The following LAMA5 variants were observed in gnomAD, a reference collection of about 807,000 sequenced individuals.
The protein encoded by LAMA5 is laminin subunit alpha-5.
In LAMA5, 260 loss-of-function variants were observed where a neutral mutation model predicts 433.4. That is an observed-to-expected ratio of 0.60 (90% CI 0.54 to 0.66). The LOEUF is 0.66. Ranked by LOEUF, LAMA5 falls within the 30% of genes least tolerant of loss-of-function variation. The probability of loss-of-function intolerance (pLI) is 0.00; values close to 1 mark genes in which losing one functional copy is unlikely to be tolerated. For missense variants in LAMA5, 5,378 were observed against 5,258.5 expected, an observed-to-expected ratio of 1.02 and a Z score of -0.70; for synonymous variants, 2,620 against 2,226.6, an observed-to-expected ratio of 1.18 and a Z score of -4.97.
At chr20:62,366,249 T>C (rs1215187774) in intron 1 of LAMA5, among the ~76,000 whole-genome samples, 3 of 152,182 alleles carry the variant, frequency 2.0e-5, no homozygotes, top group Admixed American at 6.5e-5. Context: ...TGTCCATGCA[T>C]GGAGTCCACC....
rs573023906 is a variant in LAMA5 at position 62,315,424 on chromosome 20, C to T, written c.7868-217G>A. On this transcript the variant is annotated intron_variant, in intron 58 of 79. Transcript: ENST00000252999. The stretch of plus-strand genomic sequence containing the variant: ...AGGACAGGCACCCAGCCTCTCAGGC[C>T]ACAGCTGGTCCCTGGACATGTGCCC... Among the ~76,000 whole-genome samples, 9 of 152,222 alleles carry T rather than the reference C, an allele frequency of 5.9e-5. No individual in the cohort carries two copies. In the South Asian group the frequency reaches 1.2e-3, roughly 21 times the overall value.
rs1985787856 is a variant in LAMA5, at chr20:62,309,224, A to G, written c.*112T>C. ...TATAACTTAAACCATCTTCAGAAAC[A>G]AGATCTGTCACCCGTAGAGCTTAGA... is the stretch of plus-strand genomic sequence containing the variant. On this transcript the variant is annotated 3_prime_UTR_variant, in exon 80 of 80. Transcript: ENST00000252999. 2 of 1,058,652 alleles carry G rather than the reference A, an allele frequency of 1.9e-6. No individual in the cohort carries two copies. The highest frequency in any genetic ancestry group is 3.4e-5 in the South Asian group (2 of 58,648). 65.6% of individuals were successfully genotyped at this position (1,058,652 alleles called of 1,614,324 possible).
intron 11 of LAMA5, chr20:62,345,505 C>A: frequency 2.1e-6 from 1 of 478,902 alleles, no homozygotes; most frequent in Non-Finnish European, 3.9e-6. Flanking sequence ...CTTCCAGGCT[C>A]AAGCAATCCT....
Position 62,366,941 on chromosome 20 carries a change from G to A in LAMA5, c.297+8C>T. On this transcript the variant is annotated splice_region_variant and intron_variant, in intron 1 of 79. Coordinates refer to ENST00000252999, the MANE Select transcript of LAMA5 (RefSeq NM_005560.6). ...GGAGGAAGCCCCACGGCCCGCCCCT[G>A]CGCTCACCCGGATGGTCTGGTTGGG... The A allele has an allele frequency of 1.6e-6, 2 of 1,263,580 alleles. No homozygotes were observed. The highest frequency in any genetic ancestry group is 3.5e-5 in the Admixed American group (1 of 28,210). 78.3% of individuals were successfully genotyped at this position (1,263,580 alleles called of 1,614,324 possible).
rs548925686 is a variant in LAMA5 at position 62,357,267 on chromosome 20, A to G, written c.451-4016T>C. ...CCTGGATCACAGCGGTCTGTGACTC[A>G]GCCCCCGCCCTGCAGGAAGAAGGGC... On this transcript the variant is annotated intron_variant, in intron 2 of 79. Coordinates refer to ENST00000252999, the MANE Select transcript of LAMA5 (RefSeq NM_005560.6). 4.5e-3 allele frequency among the ~76,000 whole-genome samples: 684 copies of G among 152,308 alleles called. 4 individuals are homozygous for G. Among genetic ancestry groups the G allele is most frequent in the Admixed American group, 7.3e-3 (111 of 15,310 alleles).
rs1374173776 is a variant in LAMA5 at position 62,319,021 on chromosome 20, G to A, written c.6872-8C>T. 1.3e-6 allele frequency: 2 copies of A among 1,558,246 alleles called. No homozygotes were observed. The highest frequency in any genetic ancestry group is 4.6e-5 in the East Asian group (2 of 43,466). ...CCGTCTGGGACATGAGCTCTGTGGG[G>A]CAGGGGTTCGTCAGAGCCTGGGGCC... On this transcript the variant is annotated splice_region_variant and splice_polypyrimidine_tract_variant and intron_variant, in intron 51 of 79. Transcript: ENST00000252999.
intron 57 of LAMA5, chr20:62,316,327 G>T (rs550669161): frequency 1.8e-6 from 1 of 561,390 alleles, no homozygotes; most frequent in Non-Finnish European, 3.2e-6. Flanking sequence ...ACAGCCCTCT[G>T]GTCCTAGCAG....
rs759904314 is a variant in LAMA5 at position 62,332,603 on chromosome 20, G to A, written c.3397C>T (p.Arg1133Trp). ...EVGVAVHTPQ[R>W]APQQGLLSLH... is the part of the protein sequence containing the mutation. ...GAGAGCAGCCCCTGCTGGGGGGCCC[G>A]CTGTGGGGTGTGCACGGCCACGCCC... The change falls in exon 27 of 80, where the codon CGG becomes TGG. Residue 1133 changes from arginine to tryptophan, a missense_variant. Physicochemically the swap from Arg to Trp is moderately radical, Grantham distance 101. Transcript: ENST00000252999. The A allele has an allele frequency of 1.3e-5, 20 of 1,599,346 alleles. No individual in the cohort carries two copies. Among genetic ancestry groups the A allele is most frequent in the South Asian group, 4.4e-5 (4 of 90,128 alleles).
chr20:62,313,491 G>A, intron 63 of LAMA5, 31 bp from the exon 64 acceptor site: 1 of 1,572,924 alleles, frequency 6.4e-7, no homozygotes, highest in Non-Finnish European at 8.6e-7. Context: ...CAGGGCACCT[G>A]GCCTGAGGCG....
In LAMA5 at chr20:62,324,402, G is replaced by A. The variant is rs1978884155; in HGVS notation, c.5643+39C>T. 5.2e-6 allele frequency: 8 copies of A among 1,531,054 alleles called. No individual in the cohort carries two copies. The highest frequency in any genetic ancestry group is 7.2e-6 in the Non-Finnish European group (8 of 1,113,414). 94.8% of individuals were successfully genotyped at this position (1,531,054 alleles called of 1,614,324 possible). ...CCTGGCACACTTGACTGTGCCTTCA[G>A]TGAATGCTGCCCCCCTGGCCCCACC... is the stretch of plus-strand genomic sequence containing the variant. On this transcript the variant is annotated intron_variant, in intron 42 of 79. Coordinates refer to ENST00000252999, the MANE Select transcript of LAMA5 (RefSeq NM_005560.6). The surrounding 1 kb of genome is among the most constrained non-coding windows in gnomAD (Gnocchi z 4.4).
In LAMA5 at chr20:62,312,962, A is replaced by G. The variant is rs148336880; in HGVS notation, c.9004T>C (p.Tyr3002His). 4.8e-4 allele frequency: 764 copies of G among 1,583,568 alleles called. 1 individual carries two copies. The highest frequency in any genetic ancestry group is 2.9e-3 in the South Asian group (254 of 86,378). ...AVQEGSLVLL[Y>H]DFGAGLKKAV... Reference sequence around the variant, plus strand: ...TTTTTCAGGCCAGCCCCAAAGTCATACAACAGCACGAGGCTGCCTTCTTGC... The same window carrying G: ...TTTTTCAGGCCAGCCCCAAAGTCATGCAACAGCACGAGGCTGCCTTCTTGC... The change falls in exon 66 of 80, where the codon TAT becomes CAT. Residue 3002 changes from tyrosine (Y) to histidine (H), a missense_variant. Transcript: ENST00000252999.
At chr20:62,310,632 G>T in intron 75 of LAMA5, 33 bp downstream of exon 75, 1 of 1,593,266 alleles carries the variant, frequency 6.3e-7, no homozygotes. Flanking sequence ...AACAGTGGGT[G>T]GGGAGTGGGG....
intron 45 of LAMA5, among the ~76,000 whole-genome samples, chr20:62,323,238 C>T (rs912144460): frequency 1.7e-5 from 2 of 117,926 alleles, no homozygotes; most frequent in Middle Eastern, 4.3e-3. Flanking sequence ...GGTGAAGGGG[C>T]CTGATCGCTG....
At chr20:62,349,334 C>T (rs1983845804) in intron 6 of LAMA5, among the ~76,000 whole-genome samples, 1 of 143,146 alleles carries the variant, frequency 7.0e-6, no homozygotes, top group Non-Finnish European at 1.5e-5. Flanking sequence ...ATCCTCAACA[C>T]ATCACAATAA....
At chr20:62,340,020 G>A (rs1027001269) in intron 11 of LAMA5, among the ~76,000 whole-genome samples, 3 of 152,138 alleles carry the variant, frequency 2.0e-5, no homozygotes, top group South Asian at 2.1e-4. Flanking sequence ...TGGGGTGGAC[G>A]CAAACACAGA....
chr20:62,313,134 A>G lies in LAMA5; in HGVS notation c.8909T>C (p.Leu2970Pro), dbSNP rs1348385664. The G allele has an allele frequency of 1.9e-6, 3 of 1,608,682 alleles. No homozygotes were observed. The highest frequency in any genetic ancestry group is 2.5e-6 in the Non-Finnish European group (3 of 1,179,630). Residue 2970 changes from leucine to proline, a missense_variant, in exon 65 of 80, where the codon CTG (leucine) becomes CCG (proline). By Grantham distance (98) the Leu-to-Pro change is moderately conservative. Transcript: ENST00000252999. ...CACCCCGCTGTAGGACACGAGCCGC[A>G]GCTCCTGCTCGAAGCGCTTGGTGGT... ...ISTTKRFEQE[L>P]RLVSYSGVLF...
In LAMA5 at chr20:62,313,950, GAGAGACGGGTGGCGAGTGGGCAC is replaced by G. The variant is rs376424259; in HGVS notation, c.8505-171_8505-149del. The G allele has an allele frequency of 1.4e-3, 881 of 620,714 alleles. 57 individuals are homozygous for G. The highest frequency in any genetic ancestry group is 1.5e-3 in the Non-Finnish European group (611 of 406,298). 38.5% of individuals were successfully genotyped at this position (620,714 alleles called of 1,614,324 possible). ...AGACGAGGGGTGGCGAGTGGGCATG[GAGAGACGGGTGGCGAGTGGGCAC>G]AGAGACGGGTGGCGAGTGGGCACAG... On this transcript the variant is annotated intron_variant, in intron 62 of 79. Coordinates refer to ENST00000252999, the MANE Select transcript of LAMA5 (RefSeq NM_005560.6).
chr20:62,317,832 G>C (rs1987130207), intron 53 of LAMA5, 54 bp from the exon 54 acceptor site: 1 of 951,050 alleles, frequency 1.1e-6, no homozygotes, highest in Non-Finnish European at 1.5e-6. Context: ...AAGAATAAAG[G>C]ATGTGATGGG....
Position 62,310,985 on chromosome 20 carries a change from G to A in LAMA5, c.10198C>T (p.His3400Tyr), listed in dbSNP as rs1348025285. The stretch of plus-strand genomic sequence containing the variant: ...AGGCCTTCCATCTGTGCAACGAAGT[G>A]GCCATTGCTCAGGAAGAGCGCCAGG... ...PSLALFLSNGHFVAQMEGLGT... is the reference protein window; with the variant it reads ...PSLALFLSNGYFVAQMEGLGT... The change falls in exon 74 of 80, where the codon CAC becomes TAC. Residue 3400 changes from histidine (H) to tyrosine (Y), a missense_variant. Coordinates refer to ENST00000252999, the MANE Select transcript of LAMA5 (RefSeq NM_005560.6). The A allele has an allele frequency of 1.2e-6, 2 of 1,611,440 alleles. No homozygotes were observed. The highest frequency in any genetic ancestry group is 1.7e-6 in the Non-Finnish European group (2 of 1,179,394).
Sources: gnomAD v4.1 joint callset for allele counts (sites outside exome capture counted in the v4.1 genomes callset) on GRCh38, gnomAD v4.1.1 for gene constraint, Gnocchi (gnomAD v3.1) non-coding constraint, MANE v1.5 for transcripts, NCBI Gene and HGNC (gene_info 2026-07-23, HGNC 2026-07-21) for gene names.